The following EIF4G1 variants were observed in gnomAD, a reference collection of about 807,000 sequenced individuals.
EIF4G1 encodes eukaryotic translation initiation factor 4 gamma 1.
EIF4G1 carries 4 observed loss-of-function variants against 187.8 expected under a neutral mutation model. The observed-to-expected ratio is 0.02, with a 90% CI of 0.01 to 0.05. The LOEUF is 0.05. EIF4G1 is among the 10% of genes least tolerant of loss of function. The pLI is 1.00. For synonymous variants in EIF4G1, 844 were observed against 781.4 expected (o/e 1.08, Z -1.34); for missense variants, 1,647 against 2,081.1 (o/e 0.79, Z 4.06).
At chr3:184,327,095 G>T in intron 23 of EIF4G1, 112 bp downstream of exon 23, 2 of 1,570,822 alleles carry the variant, frequency 1.3e-6, no homozygotes, top group Admixed American at 3.5e-5. Context: ...GAGCCCTTGG[G>T]TTAGATTGGG....
rs756733625 is a variant in EIF4G1, at chr3:184,327,440, G to A, written c.3653G>A (p.Arg1218Gln). The change falls in exon 24 of 33, where the codon CGG becomes CAG. Residue 1218 changes from arginine to glutamine, a missense_variant. By Grantham distance (43) the Arg-to-Gln change is conservative. Transcript: ENST00000346169. ...CTCACGGAGGATCGGGACCGTGGGC[G>A]GGATGCCGGTGAGAGTCTGGGAGAG... The part of the protein sequence containing the change: ...ASLTEDRDRG[R>Q]DAVKREAALP... 1.4e-5 allele frequency: 23 copies of A among 1,613,592 alleles called. 1 individual carries two copies. Among genetic ancestry groups the A allele is most frequent in the East Asian group, 8.9e-5 (4 of 44,882 alleles).
chr3:184,325,399 C>T lies in EIF4G1; in HGVS notation c.2961+26C>T, dbSNP rs1218411869. ...GTGTGTGTCCCCCTCCTCCCCACTG[C>T]CAGCCTGCTGCCTCCAGTTTCTGAC... On this transcript the variant is annotated intron_variant, in intron 19 of 32. Transcript: ENST00000346169. The surrounding 1 kb of genome is among the most constrained non-coding windows in gnomAD (Gnocchi z 5.2). 3 of 1,614,066 alleles carry T rather than the reference C, an allele frequency of 1.9e-6. No homozygotes were observed. The highest frequency in any genetic ancestry group is 2.5e-6 in the Non-Finnish European group (3 of 1,180,010).
At chr3:184,317,594 G>T in intron 5 of EIF4G1, 97 bp downstream of exon 5, 1 of 1,560,224 alleles carries the variant, frequency 6.4e-7, no homozygotes, top group Non-Finnish European at 8.8e-7. Context: ...CCAGAGGTGG[G>T]ACTTCCTTCT....
At chr3:184,317,932 A>C (rs920248871) in intron 6 of EIF4G1, 116 bp downstream of exon 6, 1 of 781,996 alleles carries the variant, frequency 1.3e-6, no homozygotes, top group Admixed American at 2.0e-5. Flanking sequence ...TAAAAATGAT[A>C]AGGTTAATAG....
rs755577826 is a variant in EIF4G1 at position 184,324,937 on chromosome 3, G to A, written c.2679G>A (p.Arg893=). The stretch of plus-strand genomic sequence containing the variant: ...AAGAGGCTCGGGACATAGCCCGGCG[G>A]CGCTCTTTAGGGAATATCAAGTTTA... The part of the protein sequence containing the change: ...ELEEARDIAR[R]RSLGNIKFIG... Residue 893 remains arginine, a synonymous_variant, in exon 18 of 33, where the codon CGG becomes CGA. Transcript: ENST00000346169. 3.7e-6 allele frequency: 6 copies of A among 1,614,256 alleles called. No homozygotes were observed. The highest frequency in any genetic ancestry group is 5.1e-6 in the Non-Finnish European group (6 of 1,180,052).
intron 16 of EIF4G1, 40 bp from the exon 17 acceptor site, chr3:184,324,161 C>G (rs760931301): frequency 1.9e-6 from 3 of 1,614,136 alleles, no homozygotes; most frequent in East Asian, 2.2e-5. Context: ...CTTCCCTGCC[C>G]AGGACTAGTC....
In EIF4G1 at chr3:184,328,768, T is replaced by A. The variant is rs1160990162; in HGVS notation, c.4079+12T>A. ...GGGGAGCTGTTCAGGTAAGTCCCCC[T>A]GGGTGGAATTCAGGGGAGGTAAAGA... On this transcript the variant is annotated intron_variant, in intron 27 of 32. Transcript: ENST00000346169. 4 of 1,614,028 alleles carry A rather than the reference T, an allele frequency of 2.5e-6. No homozygotes were observed. Among genetic ancestry groups the A allele is most frequent in the Non-Finnish European group, 3.4e-6 (4 of 1,179,962 alleles).
rs1345940600 is a variant in EIF4G1 at position 184,323,540 on chromosome 3, A to G, written c.2221A>G (p.Thr741Ala). The G allele has an allele frequency of 3.7e-6, 6 of 1,614,066 alleles. No homozygotes were observed. The highest frequency in any genetic ancestry group is 1.7e-5 in the Admixed American group (1 of 60,012). The change falls in exon 15 of 33, where the codon ACG becomes GCG. Residue 741 changes from threonine to alanine, a missense_variant. This residue lies in a region of EIF4G1 where 140 missense variants were observed against 222.2 expected (regional missense o/e 0.63). Transcript: ENST00000346169. This position sits in a 1 kb window ranked among gnomAD's most constrained non-coding sequence, Gnocchi z 6.9. ...AGCCTGGAAACCCAGCAGCAAGCGG[A>G]CGGCGGCTGATAAGGATCGAGGGGA... is the stretch of plus-strand genomic sequence containing the variant. The part of the protein sequence containing the change: ...EKAWKPSSKR[T>A]AADKDRGEED...
Position 184,321,583 on chromosome 3 carries a change from A to T in EIF4G1, c.999A>T (p.Lys333Asn). ...TGGAAGTAGAAGTGACACTTAGCAA[A>T]CCGGTTCCAGAATCTGAGTTTTCTT... ...PILEVEVTLS[K>N]PVPESEFSSS... is the part of the protein sequence containing the mutation. Residue 333 changes from lysine to asparagine, a missense_variant, in exon 10 of 33, where the codon AAA becomes AAT. Around this residue, in one of 11 missense-constraint regions of EIF4G1, gnomAD observed 522 missense variants for 485.2 expected, o/e 1.08. Coordinates refer to ENST00000346169, the MANE Select transcript of EIF4G1 (RefSeq NM_198241.3). 6.2e-7 allele frequency: 1 copy of T among 1,613,974 alleles called. No individual in the cohort carries two copies.
chr3:184,322,332 C>T, intron 10 of EIF4G1, 30 bp from the exon 11 acceptor site: 3 of 1,600,082 alleles, frequency 1.9e-6, no homozygotes, highest in Non-Finnish European at 2.6e-6. Context: ...TGGCAAAGAT[C>T]CATGCTTTTA....
chr3:184,330,810 C>T (rs188609357), intron 28 of EIF4G1, among the ~76,000 whole-genome samples: 79 of 152,130 alleles, frequency 5.2e-4, no homozygotes, highest in African/African-American at 1.8e-3. Flanking sequence ...GGCGTGATCT[C>T]AGCTCATTGC....
At chr3:184,328,446 T>C (rs1237516699) in intron 26 of EIF4G1, 185 bp from the exon 27 acceptor site, 2 of 840,366 alleles carry the variant, frequency 2.4e-6, no homozygotes, top group South Asian at 1.5e-5. Flanking sequence ...AGCATAACTT[T>C]AGGGGGTTAA....
chr3:184,328,531 C>G, intron 26 of EIF4G1, 100 bp from the exon 27 acceptor site: 1 of 1,542,286 alleles, frequency 6.5e-7, no homozygotes, highest in Non-Finnish European at 9.0e-7. Flanking sequence ...AGAAAATGTT[C>G]CTGGGGGTTC....
In EIF4G1 at chr3:184,331,597, C is replaced by T. The variant is rs112718796; in HGVS notation, c.4386C>T (p.Asp1462=). Reference sequence around the variant, plus strand: ...GCAGCAGTAACCAGCGGGTGTTCGACTGGATAGAGGTAGGTTTCTCCTGGA... The same window carrying T: ...GCAGCAGTAACCAGCGGGTGTTCGATTGGATAGAGGTAGGTTTCTCCTGGA... ...KEGSSNQRVF[D]WIEANLSEQQ... Residue 1462 remains aspartate (D), a synonymous_variant, in exon 30 of 33, where the codon GAC becomes GAT. Transcript: ENST00000346169. 0.019 allele frequency: 28,904 copies of T among 1,510,568 alleles called. 323 individuals are homozygous for T. The highest frequency in any genetic ancestry group is 0.023 in the Non-Finnish European group (26,226 of 1,127,470). 93.6% of individuals were successfully genotyped at this position (1,510,568 alleles called of 1,614,324 possible). A position where few individuals can be genotyped will look rare whatever the true frequency, so the allele number is the denominator to read the frequency against.
rs1217715826 is a variant in EIF4G1 at position 184,317,366 on chromosome 3, C to G, written c.193C>G (p.Arg65Gly). The G allele has an allele frequency of 6.2e-7, 1 of 1,614,014 alleles. No individual in the cohort carries two copies. Among genetic ancestry groups the G allele is most frequent in the Non-Finnish European group, 8.5e-7 (1 of 1,180,044 alleles). ...CCAGCCCCCGAGCAGTGCAGCCTCCCGAGTGCAGAGTGCAGCCCCTGCCCG... is the reference window on the plus strand; with the variant it reads ...CCAGCCCCCGAGCAGTGCAGCCTCCGGAGTGCAGAGTGCAGCCCCTGCCCG... ...RAQPPSSAASRVQSAAPARPG... is the reference protein window; with the variant it reads ...RAQPPSSAASGVQSAAPARPG... The change falls in exon 5 of 33, where the codon CGA becomes GGA. Residue 65 changes from arginine to glycine, a missense_variant. Coordinates refer to ENST00000346169, the MANE Select transcript of EIF4G1 (RefSeq NM_198241.3).
chr3:184,316,009 C>G (rs1196908270), intron 3 of EIF4G1, 123 bp from the exon 4 acceptor site: 1 of 1,535,714 alleles, frequency 6.5e-7, no homozygotes, highest in Non-Finnish European at 8.8e-7. Context: ...GGGGCTGTCA[C>G]GGGGAGGGGG....
At chr3:184,329,949 T>G (rs572029914) in intron 28 of EIF4G1, among the ~76,000 whole-genome samples, 1 of 152,352 alleles carries the variant, frequency 6.6e-6, no homozygotes, top group Admixed American at 6.5e-5. Context: ...AAAGGAATTG[T>G]TATGTCAACA....
chr3:184,319,467 T>TTG (rs756906987), intron 6 of EIF4G1, among the ~76,000 whole-genome samples: 443 of 11,270 alleles, frequency 0.039, no homozygotes, highest in Non-Finnish European at 0.049. Context: ...GTGTGTGTGT[T>TTG]TGTGTGTGTG....
chr3:184,318,219 C>T (rs927435561), intron 6 of EIF4G1, among the ~76,000 whole-genome samples: 2 of 152,104 alleles, frequency 1.3e-5, no homozygotes, highest in Non-Finnish European at 2.9e-5. Context: ...TTTTTGATCA[C>T]CTATCAGGAA....
Sources: gnomAD v4.1 joint callset for allele counts (sites outside exome capture counted in the v4.1 genomes callset) on GRCh38, gnomAD v4.1.1 for gene constraint, gnomAD v4.1.1 regional missense constraint, Gnocchi (gnomAD v3.1) non-coding constraint, MANE v1.5 for transcripts, NCBI Gene and HGNC (gene_info 2026-07-23, HGNC 2026-07-21) for gene names.